The following RNF13 variants were observed in gnomAD, a reference collection of about 807,000 sequenced individuals.
The protein encoded by RNF13 is ring finger protein 13.
In RNF13, 19 loss-of-function variants were observed where a neutral mutation model predicts 37.7. That is an observed-to-expected ratio of 0.50 (90% CI 0.35 to 0.74). The LOEUF (loss-of-function observed/expected upper bound fraction) is 0.74, where lower values mean the gene tolerates loss of function less well. Ranked by LOEUF, RNF13 falls within the 30% of genes least tolerant of loss-of-function variation. The pLI, the probability that RNF13 is intolerant of heterozygous loss-of-function variation, is 0.01. For missense variants in RNF13, 375 were observed against 453.0 expected (o/e 0.83, Z 1.56); for synonymous variants, 144 against 157.8 (o/e 0.91, Z 0.65).
chr3:149,927,411 C>T (rs770664141), intron 8 of RNF13, among the ~76,000 whole-genome samples: 11 of 152,136 alleles, frequency 7.2e-5, no homozygotes, highest in Admixed American at 6.6e-5. Context: ...GTTGGTTACA[C>T]CTTTTGGCTA....
At chr3:149,925,460 C>T (rs543017272) in intron 8 of RNF13, among the ~76,000 whole-genome samples, 137 of 152,222 alleles carry the variant, frequency 9.0e-4, no homozygotes, top group African/African-American at 3.1e-3. Flanking sequence ...CGAATGCATA[C>T]CTAAACAGTT....
intron 7 of RNF13, among the ~76,000 whole-genome samples, chr3:149,920,085 G>A (rs978225989): frequency 6.6e-6 from 1 of 151,952 alleles, no homozygotes; most frequent in Non-Finnish European, 1.5e-5. Flanking sequence ...ATTTTCTGTT[G>A]GGTAACTTGT....
intron 6 of RNF13, among the ~76,000 whole-genome samples, chr3:149,909,934 A>G (rs1716815721): frequency 7.8e-6 from 1 of 128,244 alleles, no homozygotes; most frequent in South Asian, 2.6e-4. Context: ...TTAGGAAGTC[A>G]TAAACATAAA....
chr3:149,951,174 T>C (rs1721295209), intron 8 of RNF13, among the ~76,000 whole-genome samples: 1 of 152,142 alleles, frequency 6.6e-6, no homozygotes, highest in Non-Finnish European at 1.5e-5. Flanking sequence ...TTTATCACAG[T>C]TCAGGCTTGG....
At chr3:149,925,085 G>A (rs1206406321) in intron 8 of RNF13, among the ~76,000 whole-genome samples, 2 of 152,130 alleles carry the variant, frequency 1.3e-5, no homozygotes, top group African/African-American at 4.8e-5. Flanking sequence ...AGGAGGTATT[G>A]GAGCTTTTAA....
intron 4 of RNF13, among the ~76,000 whole-genome samples, chr3:149,877,676 C>A (rs570342277): frequency 4.2e-4 from 64 of 152,004 alleles, no homozygotes; most frequent in African/African-American, 1.4e-3. Context: ...TTAAACTCTG[C>A]AAATTACCTG....
intron 9 of RNF13, 100 bp from the exon 10 acceptor site, chr3:149,960,640 A>G (rs2108621743): frequency 2.6e-6 from 3 of 1,158,716 alleles, no homozygotes; most frequent in Admixed American, 5.1e-5. Flanking sequence ...TCCCGTCCCT[A>G]CATGATACAT....
chr3:149,918,515 T>C (rs1717780229), intron 7 of RNF13, among the ~76,000 whole-genome samples: 1 of 152,118 alleles, frequency 6.6e-6, no homozygotes, highest in Non-Finnish European at 1.5e-5. Context: ...ATGGTAGATC[T>C]TTATCCCTTT....
chr3:149,939,823 G>T, intron 8 of RNF13: 2 of 538,350 alleles, frequency 3.7e-6, no homozygotes, highest in Non-Finnish European at 7.2e-6. Context: ...ACTTAGGTGG[G>T]AGAGAAGGTG....
At position 149,895,564 on chromosome 3, in the gene RNF13, A is replaced by G. The variant is rs1469329549; in HGVS notation, c.409+4A>G. On this transcript the variant is annotated splice_donor_region_variant and intron_variant, in intron 5 of 9. Coordinates refer to ENST00000392894, the MANE Select transcript of RNF13 (RefSeq NM_183381.3). Reference sequence around the variant, plus strand: ...ATTAGCATGGGATCCAACGACAGTAAGTACAGGTATCACTTTTCTTCTCTC... The same window carrying G: ...ATTAGCATGGGATCCAACGACAGTAGGTACAGGTATCACTTTTCTTCTCTC... 4 of 1,552,756 alleles carry G rather than the reference A, an allele frequency of 2.6e-6. No individual in the cohort carries two copies. The highest frequency in any genetic ancestry group is 3.5e-6 in the Non-Finnish European group (4 of 1,130,324).
At chr3:149,850,618 T>C (rs1179067407) in intron 2 of RNF13, among the ~76,000 whole-genome samples, 2 of 152,216 alleles carry the variant, frequency 1.3e-5, no homozygotes, top group African/African-American at 2.4e-5. Context: ...AAGAATACTT[T>C]AGTATAGTTT....
At chr3:149,822,083 C>G (rs1266457023) in intron 1 of RNF13, among the ~76,000 whole-genome samples, 2 of 152,142 alleles carry the variant, frequency 1.3e-5, no homozygotes, top group Non-Finnish European at 2.9e-5. Flanking sequence ...AATGTGAGTT[C>G]TCCAGCTTTG....
intron 4 of RNF13, among the ~76,000 whole-genome samples, chr3:149,885,017 A>G (rs773843592): frequency 2.6e-5 from 4 of 152,304 alleles, no homozygotes; most frequent in Non-Finnish European, 5.9e-5. Context: ...TTCACTTAAC[A>G]TAGTGGCTTT....
At chr3:149,862,410 C>T (rs1724351042) in intron 3 of RNF13, among the ~76,000 whole-genome samples, 1 of 151,984 alleles carries the variant, frequency 6.6e-6, no homozygotes, top group African/African-American at 2.4e-5. Context: ...TGTTCCCTTA[C>T]CTCGCTCCTT....
At chr3:149,951,068 T>C (rs979824298) in intron 8 of RNF13, among the ~76,000 whole-genome samples, 1 of 152,170 alleles carries the variant, frequency 6.6e-6, no homozygotes, top group African/African-American at 2.4e-5. Context: ...GAGGGGATTT[T>C]TCCTGGTAGA....
chr3:149,920,858 C>T (rs1429445001), intron 7 of RNF13, among the ~76,000 whole-genome samples: 1 of 135,214 alleles, frequency 7.4e-6, no homozygotes, highest in Non-Finnish European at 1.6e-5. Context: ...TGTATTTTTG[C>T]AAGCAAACAG....
chr3:149,836,446 T>A (rs151041958), intron 1 of RNF13, among the ~76,000 whole-genome samples: 22 of 152,166 alleles, frequency 1.4e-4, no homozygotes, highest in East Asian at 9.6e-4. Flanking sequence ...ATATATATAT[T>A]GTATATATAT....
intron 1 of RNF13, among the ~76,000 whole-genome samples, chr3:149,818,504 A>C (rs1270749000): frequency 1.3e-5 from 2 of 152,160 alleles, no homozygotes; most frequent in African/African-American, 2.4e-5. Context: ...GTACTCATCA[A>C]ATGTTTATTA....
intron 4 of RNF13, among the ~76,000 whole-genome samples, chr3:149,872,985 G>C (rs945572406): frequency 6.6e-6 from 1 of 152,182 alleles, no homozygotes; most frequent in African/African-American, 2.4e-5. Flanking sequence ...CTTTATGTTA[G>C]TTCCAAATAT....
Sources: gnomAD v4.1 joint callset for allele counts (sites outside exome capture counted in the v4.1 genomes callset) on GRCh38, gnomAD v4.1.1 for gene constraint, MANE v1.5 for transcripts, NCBI Gene and HGNC (gene_info 2026-07-23, HGNC 2026-07-21) for gene names.